Variants in FMN2 observed in about 807,000 individuals in gnomAD.
FMN2 encodes the protein formin-2.
FMN2 carries 51 observed loss-of-function variants against 142.3 expected under a neutral mutation model. The ratio of observed to expected loss-of-function variants is 0.36; its 90% confidence interval spans 0.29 to 0.45. FMN2 has a LOEUF of 0.45. FMN2 is among the 20% of genes least tolerant of loss of function. The pLI, the probability that FMN2 is intolerant of heterozygous loss-of-function variation, is 1.00. For synonymous variants in FMN2, 882 were observed against 869.8 expected (o/e 1.01, Z -0.25); for missense variants, 1,936 against 2,122.8 (o/e 0.91, Z 1.73).
chr1:240,403,266 A>G (rs796410526), intron 15 of FMN2, among the ~76,000 whole-genome samples: 25 of 152,366 alleles, frequency 1.6e-4, no homozygotes, highest in African/African-American at 6.0e-4. Context: ...GACTTTTCCT[A>G]CAGATTAAAA....
At chr1:240,126,245 C>T (rs1353095893) in intron 2 of FMN2, among the ~76,000 whole-genome samples, 1 of 152,136 alleles carries the variant, frequency 6.6e-6, no homozygotes, top group Non-Finnish European at 1.5e-5. Flanking sequence ...AGTATCTCTG[C>T]TGATTTCCAG....
chr1:240,125,832 T>C (rs979824461), intron 2 of FMN2, among the ~76,000 whole-genome samples: 2 of 152,186 alleles, frequency 1.3e-5, no homozygotes, highest in African/African-American at 4.8e-5. Flanking sequence ...GGAGGGCAGC[T>C]GGGTGTGGCA....
intron 7 of FMN2, among the ~76,000 whole-genome samples, chr1:240,272,417 ACT>A (rs1383653096): frequency 6.6e-6 from 1 of 152,152 alleles, no homozygotes; most frequent in Non-Finnish European, 1.5e-5. Flanking sequence ...TCGGATTGGC[ACT>A]GTTATTTTGG....
intron 3 of FMN2, among the ~76,000 whole-genome samples, chr1:240,179,811 T>G (rs1166270360): frequency 1.3e-5 from 2 of 152,224 alleles, no homozygotes; most frequent in Non-Finnish European, 2.9e-5. Context: ...GAGAGCCCTT[T>G]TATCCCATGT....
chr1:240,308,174 G>C (rs1670477776), intron 8 of FMN2, among the ~76,000 whole-genome samples: 4 of 152,162 alleles, frequency 2.6e-5, no homozygotes, highest in Admixed American at 2.6e-4. Flanking sequence ...GTAAATCTAA[G>C]AGACCATATC....
intron 4 of FMN2, 65 bp downstream of exon 4, chr1:240,188,327 C>A: frequency 1.3e-6 from 2 of 1,543,682 alleles, no homozygotes; most frequent in Non-Finnish European, 8.9e-7. Flanking sequence ...TTGTGACAGA[C>A]TCTGCGATTT....
intron 4 of FMN2, among the ~76,000 whole-genome samples, chr1:240,202,683 C>T (rs1221240777): frequency 6.6e-6 from 1 of 152,026 alleles, no homozygotes; most frequent in Non-Finnish European, 1.5e-5. Flanking sequence ...ATGCTGGTCT[C>T]GAACTCCTGG....
intron 14 of FMN2, among the ~76,000 whole-genome samples, chr1:240,382,364 A>G (rs1431189006): frequency 6.6e-6 from 1 of 152,144 alleles, no homozygotes; most frequent in Non-Finnish European, 1.5e-5. Context: ...TGACTCATGG[A>G]TCAGAAGAAT....
chr1:240,144,646 C>G (rs1180905086), intron 2 of FMN2: 1 of 1,291,480 alleles, frequency 7.7e-7, no homozygotes, highest in Non-Finnish European at 1.1e-6. Flanking sequence ...GGACTGAGTT[C>G]TCAGGCTCAG....
At chr1:240,455,039 T>TAA (rs34856404) in intron 16 of FMN2, among the ~76,000 whole-genome samples, 1,580 of 148,222 alleles carry the variant, frequency 0.011, 18 homozygotes, top group African/African-American at 0.037. Context: ...TATTATTAGT[T>TAA]AAAAAAAAAA....
At chr1:240,394,131 A>G (rs1673697547) in intron 15 of FMN2, among the ~76,000 whole-genome samples, 1 of 152,202 alleles carries the variant, frequency 6.6e-6, no homozygotes, top group African/African-American at 2.4e-5. Context: ...CAATGGGTGA[A>G]GGGTCTGGCC....
intron 14 of FMN2, among the ~76,000 whole-genome samples, chr1:240,386,065 T>C (rs746406435): frequency 6.6e-6 from 1 of 152,208 alleles, no homozygotes; most frequent in Non-Finnish European, 1.5e-5. Flanking sequence ...AGAAGGAAGA[T>C]GCATTGGGAC....
chr1:240,340,167 A>G (rs1671699620), intron 13 of FMN2, among the ~76,000 whole-genome samples: 1 of 152,122 alleles, frequency 6.6e-6, no homozygotes, highest in African/African-American at 2.4e-5. Flanking sequence ...CTGTTTAATA[A>G]TTATTAGGTA....
chr1:240,211,292 G>T, intron 6 of FMN2, 57 bp downstream of exon 6: 1 of 1,537,706 alleles, frequency 6.5e-7, no homozygotes. Context: ...AGTGTGAACT[G>T]TCATTAGAGA....
intron 4 of FMN2, among the ~76,000 whole-genome samples, chr1:240,190,646 G>C (rs1665662646): frequency 6.6e-6 from 1 of 152,130 alleles, no homozygotes; most frequent in Non-Finnish European, 1.5e-5. Flanking sequence ...CTCGCTATTT[G>C]AGTACAGATC....
Position 240,171,357 on chromosome 1 carries a change from G to C in FMN2, c.1783-6564G>C, listed in dbSNP as rs879002896. 19 of 604,006 alleles carry C rather than the reference G, an allele frequency of 3.1e-5. 1 individual carries two copies. In the South Asian group the frequency reaches 3.3e-4, roughly 10 times the overall value. 37.4% of individuals were successfully genotyped at this position (604,006 alleles called of 1,614,324 possible). The stretch of plus-strand genomic sequence containing the variant: ...TGATGGGAGCAGCCTAACAGGCAGA[G>C]AGAAGCGCCTCCTAGACCTTCAGCA... On this transcript the variant is annotated intron_variant, in intron 2 of 17. Transcript: ENST00000319653.
intron 8 of FMN2, among the ~76,000 whole-genome samples, chr1:240,301,607 C>T (rs1288028972): frequency 6.6e-6 from 1 of 151,058 alleles, no homozygotes; most frequent in Non-Finnish European, 1.5e-5. Flanking sequence ...TCTCACCTTC[C>T]TTTTTTTTGA....
At chr1:240,346,177 C>T (rs1464246710) in intron 13 of FMN2, among the ~76,000 whole-genome samples, 3 of 151,990 alleles carry the variant, frequency 2.0e-5, no homozygotes, top group African/African-American at 7.3e-5. Context: ...ATGCCTCAAG[C>T]CACGGATAGT....
At chr1:240,219,636 A>G (rs1165744537) in intron 6 of FMN2, among the ~76,000 whole-genome samples, 2 of 152,084 alleles carry the variant, frequency 1.3e-5, no homozygotes, top group Non-Finnish European at 2.9e-5. Flanking sequence ...CATTTGCAAA[A>G]TGGAGGTTTT....
Sources: allele counts gnomAD v4.1 joint callset (sites outside exome capture counted in the v4.1 genomes callset), GRCh38; gene constraint gnomAD v4.1.1; transcripts MANE v1.5; gene names NCBI Gene and HGNC (gene_info 2026-07-23, HGNC 2026-07-21).